Variants in CLEC16A observed in about 807,000 individuals in gnomAD.
CLEC16A encodes protein CLEC16A.
In CLEC16A, 51 loss-of-function variants were observed where a neutral mutation model predicts 109.5. The observed-to-expected ratio is 0.47, with a 90% CI of 0.37 to 0.59. The LOEUF (loss-of-function observed/expected upper bound fraction) is 0.59. Ranked by LOEUF, CLEC16A falls within the 20% of genes least tolerant of loss-of-function variation. The pLI, the probability that CLEC16A is intolerant of heterozygous loss-of-function variation, is 0.00. For synonymous variants in CLEC16A, 673 were observed against 564.2 expected (o/e 1.19, Z -2.73); for missense variants, 1,339 against 1,394.0 (o/e 0.96, Z 0.63).
At chr16:10,956,021 A>T (rs2041967816) in intron 1 of CLEC16A, among the ~76,000 whole-genome samples, 1 of 152,248 alleles carries the variant, frequency 6.6e-6, no homozygotes, top group African/African-American at 2.4e-5. Flanking sequence ...TTGAGGCAAG[A>T]TGAAGATGTA....
chr16:10,959,936 T>G (rs1396887465), intron 2 of CLEC16A, among the ~76,000 whole-genome samples: 1 of 151,978 alleles, frequency 6.6e-6, no homozygotes, highest in East Asian at 1.9e-4. Flanking sequence ...TCATTCTAGG[T>G]CCCAAGATGA....
At chr16:11,082,256 T>C (rs1223339946) in intron 19 of CLEC16A, among the ~76,000 whole-genome samples, 2 of 152,212 alleles carry the variant, frequency 1.3e-5, no homozygotes, top group Non-Finnish European at 2.9e-5. Context: ...GACGGCGTGC[T>C]CTGTACAAGT....
intron 5 of CLEC16A, chr16:10,971,457 TAGA>T: frequency 1.5e-6 from 1 of 679,234 alleles, no homozygotes; most frequent in African/African-American, 1.9e-5. Flanking sequence ...TGCTGCTACA[TAGA>T]AGTAGGATGT....
chr16:11,059,055 A>T (rs2048351349), intron 18 of CLEC16A, among the ~76,000 whole-genome samples: 1 of 152,174 alleles, frequency 6.6e-6, no homozygotes, highest in African/African-American at 2.4e-5. Context: ...CACACATGTC[A>T]TACATTCCTG....
rs774749087 is a variant in CLEC16A, at chr16:11,040,268, C to T, written c.1660+392C>T. 2.8e-5 allele frequency: 5 copies of T among 181,382 alleles called. No homozygotes were observed. The Admixed American group carries it at 2.8e-4, about 10-fold the overall frequency. The allele number at this position is 181,382 out of a possible 1,614,324, so 11.2% of individuals were successfully genotyped here. On this transcript the variant is annotated intron_variant, in intron 14 of 23. Coordinates refer to ENST00000409790, the MANE Select transcript of CLEC16A (RefSeq NM_015226.3). ...TTCGAAGGTTTAACGGGCCAGTAGA[C>T]GTAGGAGACAGAGTTTTGTTACCAG...
At position 11,012,594 on chromosome 16, in the gene CLEC16A, C is replaced by CAAAAAAA. The variant is rs551902895; in HGVS notation, c.1304-7578_1304-7572dup. ...TGGGCGATAGAGTGAGACTCCGTCT[C>CAAAAAAA]AAAAAAAAAAAAAAAAAAAAAAAAA... On this transcript the variant is annotated intron_variant, in intron 11 of 23. Transcript: ENST00000409790. Among the ~76,000 whole-genome samples, 45 of 67,940 alleles carry CAAAAAAA rather than the reference C, an allele frequency of 6.6e-4. 2 individuals carry two copies. The highest frequency in any genetic ancestry group is 1.6e-3 in the African/African-American group (35 of 22,318). 44.6% of individuals were successfully genotyped at this position (67,940 alleles called of 152,430 possible).
At position 11,174,642 on chromosome 16, in the gene CLEC16A, C is replaced by T. The variant is rs1168280542; in HGVS notation, c.2807-3693C>T. ...TCCTGCCAAGTCCCCCAGGGGTCCC[C>T]CCAGTTTAGGCCATGGGGGTTGGGC... On this transcript the variant is annotated intron_variant, in intron 23 of 23. Coordinates refer to ENST00000409790, the MANE Select transcript of CLEC16A (RefSeq NM_015226.3). This position sits in a 1 kb window ranked among gnomAD's most constrained non-coding sequence, Gnocchi z 4.7. Among the ~76,000 whole-genome samples the T allele has an allele frequency of 2.0e-5, 3 of 152,260 alleles. No homozygotes were observed. The highest frequency in any genetic ancestry group is 7.2e-5 in the African/African-American group (3 of 41,472).
At chr16:10,963,329 G>T (rs772037285) in intron 3 of CLEC16A, among the ~76,000 whole-genome samples, 2 of 152,170 alleles carry the variant, frequency 1.3e-5, no homozygotes, top group Non-Finnish European at 2.9e-5. Flanking sequence ...GCCACAATGG[G>T]GGTTAGAGCT....
chr16:11,036,702 C>G (rs961933292), intron 13 of CLEC16A, among the ~76,000 whole-genome samples: 1 of 151,990 alleles, frequency 6.6e-6, no homozygotes, highest in African/African-American at 2.4e-5. Flanking sequence ...GGCATGTGCA[C>G]TACACCCAGC....
At chr16:10,962,905 A>G (rs1378663419) in intron 3 of CLEC16A, among the ~76,000 whole-genome samples, 1 of 152,082 alleles carries the variant, frequency 6.6e-6, no homozygotes, top group Non-Finnish European at 1.5e-5. Flanking sequence ...AAAAAACCAC[A>G]AAAATTAGCT....
At chr16:11,128,208 T>C (rs917905731) in intron 22 of CLEC16A, among the ~76,000 whole-genome samples, 1 of 152,236 alleles carries the variant, frequency 6.6e-6, no homozygotes, top group Non-Finnish European at 1.5e-5. Context: ...TGTAAATAAA[T>C]ACATGGAGCC....
chr16:11,169,866 T>C (rs561563010), intron 23 of CLEC16A, among the ~76,000 whole-genome samples: 1 of 152,268 alleles, frequency 6.6e-6, no homozygotes, highest in African/African-American at 2.4e-5. Flanking sequence ...TAGATACTCC[T>C]CCTGAAATTG....
intron 19 of CLEC16A, among the ~76,000 whole-genome samples, chr16:11,105,113 GGC>G (rs2051140144): frequency 6.6e-6 from 1 of 152,200 alleles, no homozygotes; most frequent in South Asian, 2.1e-4. Flanking sequence ...TGCTAAACAG[GGC>G]CATTTTCAGA....
intron 23 of CLEC16A, among the ~76,000 whole-genome samples, chr16:11,170,101 A>G (rs1313291750): frequency 2.6e-5 from 4 of 152,180 alleles, no homozygotes; most frequent in Non-Finnish European, 5.9e-5. Flanking sequence ...GCGGTTTCCA[A>G]GACTGTCTCA....
chr16:11,017,406 C>T (rs181370726), intron 11 of CLEC16A, among the ~76,000 whole-genome samples: 1 of 152,224 alleles, frequency 6.6e-6, no homozygotes, highest in Admixed American at 6.5e-5. Context: ...ACAATGAATG[C>T]TATTATTATT....
chr16:10,951,639 C>T (rs1654663325), intron 1 of CLEC16A, among the ~76,000 whole-genome samples: 1 of 152,220 alleles, frequency 6.6e-6, no homozygotes, highest in Non-Finnish European at 1.5e-5. Flanking sequence ...ACGAAGCACT[C>T]AGACAGAGAC....
At chr16:10,962,012 G>A (rs866479869) in intron 2 of CLEC16A, among the ~76,000 whole-genome samples, 14 of 148,778 alleles carry the variant, frequency 9.4e-5, no homozygotes, top group African/African-American at 3.0e-4. Context: ...GAGTGCAGTG[G>A]CCTGATCATA....
At chr16:10,994,086 C>T (rs2044189307) in intron 10 of CLEC16A, among the ~76,000 whole-genome samples, 1 of 152,192 alleles carries the variant, frequency 6.6e-6, no homozygotes, top group Non-Finnish European at 1.5e-5. Flanking sequence ...TGTTCCAATT[C>T]CTGAGAGATG....
intron 2 of CLEC16A, among the ~76,000 whole-genome samples, chr16:10,959,490 C>T (rs1043544034): frequency 1.3e-5 from 2 of 152,150 alleles, no homozygotes; most frequent in African/African-American, 4.8e-5. Context: ...CTCCCAGTTT[C>T]AAGCAATTCT....
Sources: gnomAD v4.1 joint callset for allele counts (sites outside exome capture counted in the v4.1 genomes callset) on GRCh38, gnomAD v4.1.1 for gene constraint, Gnocchi (gnomAD v3.1) non-coding constraint, MANE v1.5 for transcripts, NCBI Gene and HGNC (gene_info 2026-07-23, HGNC 2026-07-21) for gene names.